PNOC: variants seen among roughly 807,000 people sequenced by gnomAD.
PNOC encodes nociceptin.
Under a neutral mutation model 15.6 loss-of-function variants are expected in PNOC, and 10 were observed. The observed-to-expected ratio is 0.64, with a 90% confidence interval of 0.40 to 1.09. PNOC has a LOEUF of 1.09. PNOC is among the 50% of genes least tolerant of loss of function. The pLI, the probability that PNOC is intolerant of heterozygous loss-of-function variation, is 0.01. For synonymous variants in PNOC, 98 were observed against 88.5 expected, an observed-to-expected ratio of 1.11 and a Z score of -0.60; for missense variants, 220 against 223.9, an observed-to-expected ratio of 0.98 and a Z score of 0.11.
chr8:28,321,021 C>T (rs888566844), intron 1 of PNOC, among the ~76,000 whole-genome samples: 2 of 151,890 alleles, frequency 1.3e-5, no homozygotes, highest in Non-Finnish European at 2.9e-5. Flanking sequence ...TGCTATATTG[C>T]CCAGGCAGGT....
intron 1 of PNOC, among the ~76,000 whole-genome samples, chr8:28,324,072 G>T (rs1312424909): frequency 6.6e-6 from 1 of 152,194 alleles, no homozygotes; most frequent in African/African-American, 2.4e-5. Flanking sequence ...GAGTCCGAAA[G>T]GTAGACGTGC....
At chr8:28,322,876 T>C (rs1801172106) in intron 1 of PNOC, among the ~76,000 whole-genome samples, 1 of 152,226 alleles carries the variant, frequency 6.6e-6, no homozygotes, top group African/African-American at 2.4e-5. Context: ...GAGTTTATGT[T>C]CATTTTAAAA....
rs144527098 is a variant in PNOC, at chr8:28,343,029, C to T, written c.*135C>T. 198 of 984,100 alleles carry T rather than the reference C, an allele frequency of 2.0e-4. 1 individual carries two copies. Among genetic ancestry groups the T allele is most frequent in the Non-Finnish European group, 1.6e-4 (136 of 828,666 alleles). 61.0% of individuals were successfully genotyped at this position (984,100 alleles called of 1,614,324 possible). A position where few individuals can be genotyped will look rare whatever the true frequency, so the allele number is the denominator to read the frequency against. On this transcript the variant is annotated 3_prime_UTR_variant, in exon 4 of 4. Transcript: ENST00000301908. ...ATTCCTTCTTCCCCAAGGCACTGAGCGCCTGCAGATCCCGCAGGCTTCGTT... is the reference window on the plus strand; with the variant it reads ...ATTCCTTCTTCCCCAAGGCACTGAGTGCCTGCAGATCCCGCAGGCTTCGTT...
intron 2 of PNOC, among the ~76,000 whole-genome samples, chr8:28,338,278 G>C (rs547572817): frequency 6.6e-6 from 1 of 152,146 alleles, no homozygotes; most frequent in Non-Finnish European, 1.5e-5. Context: ...CAGCCAAGAG[G>C]GGCTGGAGAA....
intron 2 of PNOC, among the ~76,000 whole-genome samples, chr8:28,330,396 A>AT (rs67554549): frequency 0.051 from 4,091 of 80,282 alleles, 272 homozygotes; most frequent in Admixed American, 0.14. Context: ...ATTTTATTTT[A>AT]TTTTTTTTTT....
chr8:28,325,108 T>A (rs991927958), intron 1 of PNOC, among the ~76,000 whole-genome samples: 1 of 152,142 alleles, frequency 6.6e-6, no homozygotes, highest in African/African-American at 2.4e-5. Flanking sequence ...CATTAGCAGA[T>A]GAGAAAGCGC....
In PNOC at chr8:28,339,393, C is replaced by T. The variant is rs147679588; in HGVS notation, c.480C>T (p.Ser160=). The T allele has an allele frequency of 1.5e-4, 234 of 1,566,948 alleles. No homozygotes were observed. In the African/African-American group the frequency reaches 2.8e-3, roughly 19 times the overall value. The part of the protein sequence containing the change: ...SEFMRQYLVL[S]MQSSQRRRTL... ...TTATGAGGCAATACTTGGTCCTGAG[C>T]ATGCAGTCCAGCCAGCGCCGGCGCA... Residue 160 remains serine (S), a synonymous_variant, in exon 3 of 4, where the codon AGC becomes AGT. Transcript: ENST00000301908.
chr8:28,334,313 G>A (rs551836800), intron 2 of PNOC, among the ~76,000 whole-genome samples: 6 of 152,242 alleles, frequency 3.9e-5, no homozygotes, highest in African/African-American at 1.4e-4. Flanking sequence ...TTTAACCACC[G>A]TGTTCTGTGA....
chr8:28,329,420 A>G (rs2614102), intron 2 of PNOC, 137 bp downstream of exon 2: 345,731 of 882,880 alleles, frequency 0.39, 75,131 homozygotes, highest in Non-Finnish European at 0.45. Flanking sequence ...TACATGGCCC[A>G]TAGGAAACAG....
At chr8:28,330,400 T>TATTTTATTTTATTTTTTTTTTTTTTTTTA (rs1431540071) in intron 2 of PNOC, among the ~76,000 whole-genome samples, 2 of 102,228 alleles carry the variant, frequency 2.0e-5, no homozygotes, top group South Asian at 3.1e-4. Flanking sequence ...TATTTTATTT[T>TATTTTATTTTATTTTTTTTTTTTTTTTTA]TTTTTTTTTT....
At chr8:28,338,813 C>T in intron 2 of PNOC, 1 of 1,173,886 alleles carries the variant, frequency 8.5e-7, no homozygotes, top group Non-Finnish European at 1.1e-6. Flanking sequence ...CCTCTCTGAG[C>T]CCTGGTTTCT....
intron 2 of PNOC, among the ~76,000 whole-genome samples, chr8:28,337,415 T>G (rs1801429344): frequency 6.6e-6 from 1 of 152,132 alleles, no homozygotes; most frequent in African/African-American, 2.4e-5. Flanking sequence ...CTCTTTTGCT[T>G]CAGCCTCCCC....
In PNOC at chr8:28,338,813, C is replaced by A. The variant is rs1179087405; in HGVS notation, c.127-227C>A. On this transcript the variant is annotated intron_variant, in intron 2 of 3. Coordinates refer to ENST00000301908, the MANE Select transcript of PNOC (RefSeq NM_006228.5). ...GGTAAGTTACGCTCACCTCTCTGAG[C>A]CCTGGTTTCTTTGTAAAATGATGGA... The A allele has an allele frequency of 5.1e-6, 6 of 1,173,766 alleles. No homozygotes were observed. The East Asian group carries it at 1.8e-4, about 35-fold the overall frequency. 72.7% of individuals were successfully genotyped at this position (1,173,766 alleles called of 1,614,324 possible).
chr8:28,333,136 T>C (rs1418801510), intron 2 of PNOC, among the ~76,000 whole-genome samples: 2 of 152,178 alleles, frequency 1.3e-5, no homozygotes, highest in African/African-American at 2.4e-5. Context: ...ACAAAGCAAA[T>C]AGCTCCCAAA....
chr8:28,328,532 G>A (rs1452287625), intron 1 of PNOC, among the ~76,000 whole-genome samples: 1 of 152,096 alleles, frequency 6.6e-6, no homozygotes, highest in Non-Finnish European at 1.5e-5. Context: ...GGGGGTTGGG[G>A]GCATTCCTGG....
chr8:28,334,867 G>C (rs1160337796), intron 2 of PNOC, among the ~76,000 whole-genome samples: 1 of 152,144 alleles, frequency 6.6e-6, no homozygotes, highest in Admixed American at 6.5e-5. Context: ...CCTATCTATG[G>C]AAGTTACCTA....
chr8:28,337,646 G>C (rs937565796), intron 2 of PNOC, among the ~76,000 whole-genome samples: 1 of 137,202 alleles, frequency 7.3e-6, no homozygotes, highest in Non-Finnish European at 1.5e-5. Flanking sequence ...GCAGTGGCAC[G>C]ATCTCGGTTC....
rs568452915 is a variant in PNOC, at chr8:28,331,915, C to T, written c.126+2632C>T. Among the ~76,000 whole-genome samples, 156 of 152,322 alleles carry T rather than the reference C, an allele frequency of 1.0e-3. 1 individual carries two copies. The highest frequency in any genetic ancestry group is 2.4e-3 in the African/African-American group (98 of 41,564). The stretch of plus-strand genomic sequence containing the variant: ...ATAGCTCAATAAACACATCCCATCC[C>T]GTGGAAATTGGAAGATTCTAAGACC... On this transcript the variant is annotated intron_variant, in intron 2 of 3. Transcript: ENST00000301908.
intron 1 of PNOC, among the ~76,000 whole-genome samples, chr8:28,321,503 C>T (rs537570246): frequency 6.6e-6 from 1 of 152,196 alleles, no homozygotes; most frequent in South Asian, 2.1e-4. Context: ...CTCATGCTGC[C>T]CGGAAGCTAC....
Sources: gnomAD v4.1 joint callset for allele counts (sites outside exome capture counted in the v4.1 genomes callset) on GRCh38, gnomAD v4.1.1 for gene constraint, MANE v1.5 for transcripts, NCBI Gene and HGNC (gene_info 2026-07-23, HGNC 2026-07-21) for gene names.